The following PTER variants were observed in gnomAD, a reference collection of about 807,000 sequenced individuals.
The protein encoded by PTER is phosphotriesterase related.
PTER carries 38 observed loss-of-function variants against 29.6 expected under a neutral mutation model. The observed-to-expected ratio is 1.28, with a 90% CI of 0.99 to 1.68. The LOEUF (loss-of-function observed/expected upper bound fraction) is 1.68, where lower values mean the gene tolerates loss of function less well. Among genes scored for constraint, PTER ranks in the 40% most tolerant of loss-of-function variants. The pLI is 0.00. For missense variants in PTER, 482 were observed against 427.8 expected (o/e 1.13, Z -1.12); for synonymous variants, 172 against 154.5 (o/e 1.11, Z -0.84).
In PTER at chr10:16,512,798, C is replaced by G. The variant is rs41289297; in HGVS notation, c.*1542C>G. On this transcript the variant is annotated 3_prime_UTR_variant, in exon 5 of 5. Coordinates refer to ENST00000535784, the MANE Select transcript of PTER (RefSeq NM_001261836.2). ...ATCTCTGTTTTTGAAATCTACTCGT[C>G]AAAGAGTTTTCAGAGGCAATGAAAG... is the stretch of plus-strand genomic sequence containing the variant. The G allele has an allele frequency of 0.056, 8,577 of 152,438 alleles. 294 individuals carry two copies. The highest frequency in any genetic ancestry group is 0.081 in the Non-Finnish European group (5,505 of 67,948). The allele number at this position is 152,438 out of a possible 1,614,324, so 9.4% of individuals were successfully genotyped here. A position where few individuals can be genotyped will look rare whatever the true frequency, so the allele number is the denominator to read the frequency against.
intron 1 of PTER, among the ~76,000 whole-genome samples, chr10:16,466,441 C>T (rs929552902): frequency 9.2e-5 from 14 of 152,284 alleles, no homozygotes; most frequent in Admixed American, 3.3e-4. Context: ...CTGCAACCTC[C>T]GCCTCCCCAA....
chr10:16,450,803 T>G (rs2133372733), intron 1 of PTER, among the ~76,000 whole-genome samples: 1 of 152,316 alleles, frequency 6.6e-6, no homozygotes, highest in East Asian at 1.9e-4. Context: ...ATTGTATTCC[T>G]TGGTTCTCCA....
chr10:16,453,419 A>C (rs1834284928), intron 1 of PTER, among the ~76,000 whole-genome samples: 1 of 152,148 alleles, frequency 6.6e-6, no homozygotes, highest in Non-Finnish European at 1.5e-5. Flanking sequence ...ATGAACTTTT[A>C]TTTGGGATAT....
intron 3 of PTER, among the ~76,000 whole-genome samples, chr10:16,498,253 A>G (rs1191410132): frequency 6.6e-6 from 1 of 152,184 alleles, no homozygotes; most frequent in African/African-American, 2.4e-5. Flanking sequence ...AAAAGCTGGG[A>G]AAGATTGGAG....
At chr10:16,495,168 CTTTTTTT>C (rs3047217) in intron 3 of PTER, among the ~76,000 whole-genome samples, 35,876 of 132,172 alleles carry the variant, frequency 0.27, 4,399 homozygotes, top group Middle Eastern at 0.4. Context: ...TTTGGAATTA[CTTTTTTT>C]TTTTTTTTTT....
At chr10:16,444,812 A>G (rs1006663734) in intron 1 of PTER, among the ~76,000 whole-genome samples, 26 of 152,206 alleles carry the variant, frequency 1.7e-4, no homozygotes, top group African/African-American at 5.8e-4. Context: ...AGCTTTTACA[A>G]TGTTCCCTCA....
rs1588603904 is a variant in PTER, at chr10:16,470,992, A to T, written c.-48-13345A>T. 4.6e-5 allele frequency among the ~76,000 whole-genome samples: 7 copies of T among 152,226 alleles called. No homozygotes were observed. In the South Asian group the frequency reaches 1.5e-3, roughly 32 times the overall value. On this transcript the variant is annotated intron_variant, in intron 1 of 4. Coordinates refer to ENST00000535784, the MANE Select transcript of PTER (RefSeq NM_001261836.2). The stretch of plus-strand genomic sequence containing the variant: ...TAACCCCTCATATGAGTGTGTTCAG[A>T]TGAGATCTTGTTCCTGGTCTGGCTT...
chr10:16,478,148 AG>A (rs781774533), intron 1 of PTER, among the ~76,000 whole-genome samples: 1 of 152,230 alleles, frequency 6.6e-6, no homozygotes, highest in Non-Finnish European at 1.5e-5. Context: ...GAGAATGAAA[AG>A]GGCAGAGATG....
chr10:16,446,678 G>A (rs1464794825), intron 1 of PTER, among the ~76,000 whole-genome samples: 2 of 152,154 alleles, frequency 1.3e-5, no homozygotes, highest in South Asian at 4.2e-4. Flanking sequence ...GTTGCTACTC[G>A]TTATTGTTGC....
At chr10:16,511,025 A>G (rs1421177585) in intron 4 of PTER, 21 bp from the exon 5 acceptor site, 2 of 1,596,108 alleles carry the variant, frequency 1.3e-6, no homozygotes, top group Non-Finnish European at 1.7e-6. Flanking sequence ...ATGACATCTA[A>G]TGAGTTAACA....
downstream of PTER, among the ~76,000 whole-genome samples, chr10:16,517,541 A>G (rs1445892993): frequency 6.6e-6 from 1 of 152,224 alleles, no homozygotes; most frequent in Non-Finnish European, 1.5e-5. Flanking sequence ...TAAAAGGATT[A>G]TCAACATTAA....
Position 16,446,864 on chromosome 10 carries a change from C to T in PTER, c.-49+9817C>T, listed in dbSNP as rs548424240. Among the ~76,000 whole-genome samples, 134 of 152,124 alleles carry T rather than the reference C, an allele frequency of 8.8e-4. 3 individuals are homozygous for T. In the South Asian group the frequency reaches 0.027, roughly 31 times the overall value. ...AGTGCATTGGTGCAATCTCGGCTTG[C>T]TGCAACCTCTGCCTCCTGGGTTCAA... On this transcript the variant is annotated intron_variant, in intron 1 of 4. Coordinates refer to ENST00000535784, the MANE Select transcript of PTER (RefSeq NM_001261836.2).
downstream of PTER, chr10:16,514,529 C>T: frequency 6.2e-7 from 1 of 1,612,092 alleles, no homozygotes; most frequent in South Asian, 1.1e-5. Flanking sequence ...TCTGCATTAT[C>T]AGTCAGCATA....
chr10:16,508,849 TG>T lies in PTER; in HGVS notation c.840-2196del, dbSNP rs1330790665. Among the ~76,000 whole-genome samples the T allele has an allele frequency of 3.3e-5, 5 of 152,268 alleles. 1 individual carries two copies. In the East Asian group the frequency reaches 9.7e-4, roughly 29 times the overall value. The stretch of plus-strand genomic sequence containing the variant: ...GCGTGTGCTCCAGTACCCACTGTCT[TG>T]CACACTTGATTTTCATCATGCATGA... On this transcript the variant is annotated intron_variant, in intron 4 of 4. Transcript: ENST00000535784.
At chr10:16,463,797 A>G (rs1834711479) in intron 1 of PTER, among the ~76,000 whole-genome samples, 1 of 152,190 alleles carries the variant, frequency 6.6e-6, no homozygotes, top group South Asian at 2.1e-4. Flanking sequence ...CTCAGAGGTC[A>G]TGGTTGTTAT....
rs150199791 is a variant in PTER at position 16,507,801 on chromosome 10, A to G, written c.839+2641A>G. Reference sequence around the variant, plus strand: ...TTTTAATACTCAGATCAGTTATTTGACAAGTAGATGTATTGTTTCTTTGTT... The same window carrying G: ...TTTTAATACTCAGATCAGTTATTTGGCAAGTAGATGTATTGTTTCTTTGTT... On this transcript the variant is annotated intron_variant, in intron 4 of 4. Coordinates refer to ENST00000535784, the MANE Select transcript of PTER (RefSeq NM_001261836.2). 2.0e-3 allele frequency among the ~76,000 whole-genome samples: 300 copies of G among 152,346 alleles called. 3 individuals carry two copies. Among genetic ancestry groups the G allele is most frequent in the African/African-American group, 6.3e-3 (260 of 41,574 alleles).
chr10:16,495,923 C>T (rs760087800), intron 3 of PTER, among the ~76,000 whole-genome samples: 3 of 152,150 alleles, frequency 2.0e-5, no homozygotes. Context: ...ACAGCCTGCT[C>T]CTTGTTCTTG....
chr10:16,477,991 C>T (rs1013144482), intron 1 of PTER, among the ~76,000 whole-genome samples: 3 of 152,076 alleles, frequency 2.0e-5, no homozygotes, highest in African/African-American at 7.2e-5. Context: ...CAGACTTCAA[C>T]GTGGAGAGTT....
chr10:16,472,218 T>C (rs905709817), intron 1 of PTER, among the ~76,000 whole-genome samples: 1 of 152,200 alleles, frequency 6.6e-6, no homozygotes, highest in Non-Finnish European at 1.5e-5. Context: ...GTTTCTCGTA[T>C]TGCTAGTATA....
Sources: gnomAD v4.1 joint callset for allele counts (sites outside exome capture counted in the v4.1 genomes callset) on GRCh38, gnomAD v4.1.1 for gene constraint, MANE v1.5 for transcripts, NCBI Gene and HGNC (gene_info 2026-07-23, HGNC 2026-07-21) for gene names.